IL1RAPL2: variants seen among roughly 807,000 people sequenced by gnomAD.
The protein encoded by IL1RAPL2 is X-linked interleukin-1 receptor accessory protein-like 2.
A neutral mutation model predicts 44.1 loss-of-function variants in IL1RAPL2; 3 were observed. The observed-to-expected ratio is 0.07, with a 90% CI of 0.03 to 0.18. The LOEUF (loss-of-function observed/expected upper bound fraction) is 0.18, where lower values mean the gene tolerates loss of function less well. Among genes scored for constraint, IL1RAPL2 ranks in the 10% least tolerant of loss-of-function variants. The pLI is 1.00. For synonymous variants in IL1RAPL2, 181 were observed against 178.8 expected (o/e 1.01, Z -0.10); for missense variants, 391 against 496.4 (o/e 0.79, Z 2.02).
rs543799647 is a variant in IL1RAPL2, at chrX:105,404,680, T to A, written c.698-79633T>A. ...ATATTCAAATGGTTCAACAAATATA[T>A]AGGAAAGGATCCTGCAGGACCCTAC... is the stretch of plus-strand genomic sequence containing the variant. On this transcript the variant is annotated intron_variant, in intron 5 of 10. Transcript: ENST00000372582. Among the ~76,000 whole-genome samples the A allele has an allele frequency of 8.8e-4, 98 of 111,384 alleles. 1 individual carries two copies. In the South Asian group the frequency reaches 0.036, roughly 41 times the overall value.
chrX:105,218,117 T>C (rs1569405671), intron 3 of IL1RAPL2, among the ~76,000 whole-genome samples: 1 of 111,283 alleles, frequency 9.0e-6, no homozygotes, highest in Non-Finnish European at 1.9e-5. Flanking sequence ...AAAAAATCTG[T>C]CCACCCACTC....
chrX:105,469,994 T>A (rs1280262639), intron 5 of IL1RAPL2, among the ~76,000 whole-genome samples: 1 of 111,259 alleles, frequency 9.0e-6, no homozygotes, highest in East Asian at 2.8e-4. Flanking sequence ...ATTAGATTAA[T>A]TTACACTAGA....
At chrX:104,882,754 T>A (rs1602779116) in intron 2 of IL1RAPL2, among the ~76,000 whole-genome samples, 1 of 111,653 alleles carries the variant, frequency 9.0e-6, no homozygotes, top group African/African-American at 3.3e-5. Context: ...TGTAGAAGCT[T>A]TGTTCTTTCG....
intron 5 of IL1RAPL2, among the ~76,000 whole-genome samples, chrX:105,319,785 C>A (rs1392691225): frequency 8.9e-6 from 1 of 111,851 alleles, no homozygotes. Flanking sequence ...GGAAATAACG[C>A]TGTGCACACT....
In IL1RAPL2 at chrX:104,826,938, C is replaced by CTTT. The variant is rs1176113214; in HGVS notation, c.82+167964_82+167966dup. Among the ~76,000 whole-genome samples, 150 of 34,829 alleles carry CTTT rather than the reference C, an allele frequency of 4.3e-3. 5 individuals are homozygous for CTTT. Among genetic ancestry groups the CTTT allele is most frequent in the Non-Finnish European group, 5.5e-3 (110 of 20,086 alleles). 30.2% of individuals were successfully genotyped at this position (34,829 alleles called of 115,157 possible). On this transcript the variant is annotated intron_variant, in intron 2 of 10. Transcript: ENST00000372582. ...TCAGAGACTAGAATTGCAACCCCTG[C>CTTT]TTTTTTTTTTTTTTTTTTTTTTTGC...
At chrX:104,637,075 T>TG (rs1929827905) in intron 1 of IL1RAPL2, among the ~76,000 whole-genome samples, 2 of 111,140 alleles carry the variant, frequency 1.8e-5, no homozygotes, top group African/African-American at 6.5e-5. Context: ...GGATTTTTTT[T>TG]TTTTTTGTAG....
At chrX:105,762,329 C>T (rs1172414923) in intron 10 of IL1RAPL2, among the ~76,000 whole-genome samples, 2 of 111,605 alleles carry the variant, frequency 1.8e-5, no homozygotes, top group Non-Finnish European at 3.8e-5. Context: ...TTTACAAATA[C>T]TGGTGCTACT....
chrX:105,692,578 T>G (rs919494056), intron 6 of IL1RAPL2, among the ~76,000 whole-genome samples: 1 of 109,945 alleles, frequency 9.1e-6, no homozygotes. Flanking sequence ...GAGACAGACA[T>G]GTACTCAGAT....
chrX:105,437,769 G>C (rs948453090), intron 5 of IL1RAPL2, among the ~76,000 whole-genome samples: 2 of 111,455 alleles, frequency 1.8e-5, no homozygotes, highest in African/African-American at 3.3e-5. Context: ...GAGAACAACA[G>C]TAAAATATAA....
intron 6 of IL1RAPL2, among the ~76,000 whole-genome samples, chrX:105,508,596 G>A (rs2036447545): frequency 9.2e-6 from 1 of 109,213 alleles, no homozygotes; most frequent in Admixed American, 9.8e-5. Flanking sequence ...ATCAGAAGTT[G>A]GAAAGAACAG....
intron 6 of IL1RAPL2, among the ~76,000 whole-genome samples, chrX:105,606,100 C>T (rs753048844): frequency 5.4e-5 from 6 of 111,380 alleles, no homozygotes; most frequent in South Asian, 3.7e-4. Context: ...GCAAATGAAA[C>T]AATTAATAGA....
At chrX:104,860,729 GA>G (rs1352251774) in intron 2 of IL1RAPL2, among the ~76,000 whole-genome samples, 1 of 110,940 alleles carries the variant, frequency 9.0e-6, no homozygotes, top group Non-Finnish European at 1.9e-5. Context: ...GAGCATTTTA[GA>G]TTTAGAATTT....
At chrX:104,877,621 G>A (rs1922943472) in intron 2 of IL1RAPL2, among the ~76,000 whole-genome samples, 1 of 112,392 alleles carries the variant, frequency 8.9e-6, no homozygotes, top group South Asian at 3.6e-4. Flanking sequence ...ACTTACACAT[G>A]TAACTATTCA....
chrX:105,578,492 G>A (rs1310596017), intron 6 of IL1RAPL2, among the ~76,000 whole-genome samples: 7 of 110,981 alleles, frequency 6.3e-5, no homozygotes, highest in African/African-American at 1.3e-4. Flanking sequence ...CAATGGGATA[G>A]GATTATTTAC....
intron 6 of IL1RAPL2, among the ~76,000 whole-genome samples, chrX:105,507,898 G>T (rs1429750533): frequency 9.0e-6 from 1 of 111,490 alleles, no homozygotes; most frequent in African/African-American, 3.3e-5. Flanking sequence ...TTTTAGTAGT[G>T]GAGCCATGTC....
At chrX:104,785,108 C>T (rs763425144) in intron 2 of IL1RAPL2, among the ~76,000 whole-genome samples, 33 of 110,201 alleles carry the variant, frequency 3.0e-4, no homozygotes, top group Non-Finnish European at 5.7e-4. Context: ...ACCTCCCGGG[C>T]TCAAGTGATC....
At chrX:104,899,324 A>G (rs1310941260) in intron 2 of IL1RAPL2, among the ~76,000 whole-genome samples, 1 of 112,273 alleles carries the variant, frequency 8.9e-6, no homozygotes, top group Non-Finnish European at 1.9e-5. Flanking sequence ...TGAGTGACAT[A>G]CATGCTATAT....
At chrX:105,631,113 G>T (rs977159909) in intron 6 of IL1RAPL2, among the ~76,000 whole-genome samples, 1 of 111,130 alleles carries the variant, frequency 9.0e-6, no homozygotes, top group Non-Finnish European at 1.9e-5. Context: ...ATCAGCCAGG[G>T]AATTTGCATA....
intron 2 of IL1RAPL2, among the ~76,000 whole-genome samples, chrX:104,901,199 CTTTTTTTTTTTTTT>C (rs1194148816): frequency 9.3e-5 from 3 of 32,115 alleles, no homozygotes; most frequent in East Asian, 1.3e-3. Flanking sequence ...TCTTTTGCTT[CTTTTTTTTTTTTTT>C]TTTTTTTTTT....
Sources: gnomAD v4.1 joint callset for allele counts (sites outside exome capture counted in the v4.1 genomes callset) on GRCh38, gnomAD v4.1.1 for gene constraint, MANE v1.5 for transcripts, NCBI Gene and HGNC (gene_info 2026-07-23, HGNC 2026-07-21) for gene names.